Variants in PRELID2 observed in about 807,000 individuals in gnomAD.
PRELID2 encodes PRELI domain-containing protein 2.
A neutral mutation model predicts 28.4 loss-of-function variants in PRELID2; 25 were observed. That is an observed-to-expected ratio of 0.88 (90% CI 0.64 to 1.23). The LOEUF is 1.23. PRELID2 is among the 50% of genes most tolerant of loss of function. The pLI is 0.00. For synonymous variants in PRELID2, 76 were observed against 71.6 expected (o/e 1.06, Z -0.31); for missense variants, 201 against 214.4 (o/e 0.94, Z 0.39).
the PRELID2 span, among the ~76,000 whole-genome samples, chr5:145,317,913 C>T: frequency 1.3e-5 from 2 of 152,056 alleles, no homozygotes; most frequent in Admixed American, 6.6e-5. Flanking sequence ...ATTCTAGACC[C>T]ATAGATCTCA....
chr5:145,342,326 G>T, the PRELID2 span, among the ~76,000 whole-genome samples: 1 of 151,952 alleles, frequency 6.6e-6, no homozygotes, highest in Non-Finnish European at 1.5e-5. Context: ...ATAACACTCT[G>T]GTGAAGCAAT....
downstream of PRELID2, among the ~76,000 whole-genome samples, chr5:145,752,490 T>C (rs915771422): frequency 1.3e-5 from 2 of 152,174 alleles, no homozygotes; most frequent in African/African-American, 4.8e-5. Flanking sequence ...GTCATTAAAC[T>C]TTCTTGCCAT....
intron 1 of PRELID2, among the ~76,000 whole-genome samples, chr5:145,541,608 G>A (rs1442363446): frequency 6.6e-6 from 1 of 152,006 alleles, no homozygotes; most frequent in Non-Finnish European, 1.5e-5. Context: ...CTTTTGCTAA[G>A]TATATCCCAC....
At chr5:145,494,619 A>G (rs1752294157) in intron 1 of PRELID2, among the ~76,000 whole-genome samples, 1 of 152,176 alleles carries the variant, frequency 6.6e-6, no homozygotes, top group Admixed American at 6.6e-5. Flanking sequence ...AAGATCTTGT[A>G]ACAGGTTAAA....
At chr5:145,343,672 G>A in the PRELID2 span, among the ~76,000 whole-genome samples, 43 of 151,332 alleles carry the variant, frequency 2.8e-4, 1 homozygote, top group East Asian at 4.9e-3. Context: ...AAATATAAGA[G>A]CAGAACTAAA....
At chr5:145,781,742 A>G (rs931938439) in intron 5 of PRELID2, among the ~76,000 whole-genome samples, 4 of 145,860 alleles carry the variant, frequency 2.7e-5, no homozygotes, top group Non-Finnish European at 4.5e-5. Flanking sequence ...CTATATATAT[A>G]CTATATCTAT....
At chr5:145,271,417 T>A in the PRELID2 span, among the ~76,000 whole-genome samples, 1 of 152,010 alleles carries the variant, frequency 6.6e-6, no homozygotes, top group South Asian at 2.1e-4. Flanking sequence ...GGTCTCACTA[T>A]GTTGCCTAGG....
chr5:145,240,987 A>T, the PRELID2 span, among the ~76,000 whole-genome samples: 1 of 151,930 alleles, frequency 6.6e-6, no homozygotes, highest in Non-Finnish European at 1.5e-5. Context: ...CAAACAGGTT[A>T]AAGAGCTTCC....
chr5:145,246,177 G>A, the PRELID2 span, among the ~76,000 whole-genome samples: 1 of 152,044 alleles, frequency 6.6e-6, no homozygotes, highest in Non-Finnish European at 1.5e-5. Flanking sequence ...AATGTCACGT[G>A]TCTTTCTAAG....
chr5:145,492,574 T>C (rs1054482226), intron 1 of PRELID2, among the ~76,000 whole-genome samples: 2 of 141,986 alleles, frequency 1.4e-5, no homozygotes, highest in Non-Finnish European at 3.2e-5. Context: ...TTTGAGGTTA[T>C]ATCCAAAAAT....
chr5:145,428,442 C>T, the PRELID2 span, among the ~76,000 whole-genome samples: 1 of 152,072 alleles, frequency 6.6e-6, no homozygotes, highest in Non-Finnish European at 1.5e-5. Context: ...AAAAACTGTT[C>T]CTGCCTGCCT....
chr5:145,488,046 C>T (rs1461971897), intron 1 of PRELID2, among the ~76,000 whole-genome samples: 1 of 149,912 alleles, frequency 6.7e-6, no homozygotes, highest in Non-Finnish European at 1.5e-5. Context: ...ATCGCTTGAA[C>T]CCGGGAGGGA....
chr5:145,695,617 T>C (rs1352217455), intron 1 of PRELID2, among the ~76,000 whole-genome samples: 1 of 152,112 alleles, frequency 6.6e-6, no homozygotes. Context: ...AGCTTGCAGG[T>C]AGGCTGCAAT....
intron 1 of PRELID2, among the ~76,000 whole-genome samples, chr5:145,745,284 C>T (rs934723849): frequency 6.6e-6 from 1 of 152,184 alleles, no homozygotes; most frequent in Non-Finnish European, 1.5e-5. Context: ...CTGGAAAACA[C>T]ACTTCAGGAT....
At chr5:145,236,924 T>A in the PRELID2 span, among the ~76,000 whole-genome samples, 1 of 152,174 alleles carries the variant, frequency 6.6e-6, no homozygotes, top group Admixed American at 6.6e-5. Flanking sequence ...ACCTCCATAA[T>A]TGAGACCTGT....
intron 1 of PRELID2, among the ~76,000 whole-genome samples, chr5:145,736,218 G>T (rs1017188320): frequency 1.6e-4 from 25 of 152,164 alleles, no homozygotes; most frequent in African/African-American, 5.3e-4. Context: ...TATACAGTGG[G>T]ATCACATATT....
chr5:145,378,218 A>AT, the PRELID2 span, among the ~76,000 whole-genome samples: 2 of 151,896 alleles, frequency 1.3e-5, no homozygotes, highest in African/African-American at 2.4e-5. Flanking sequence ...TGCCTTTAAC[A>AT]TTTTTTCTTT....
the PRELID2 span, among the ~76,000 whole-genome samples, chr5:145,392,347 A>T: frequency 6.6e-6 from 1 of 152,174 alleles, no homozygotes; most frequent in South Asian, 2.1e-4. Flanking sequence ...GAAGCCAGTT[A>T]TAAAACCATC....
At chr5:145,284,467 G>A in the PRELID2 span, among the ~76,000 whole-genome samples, 1 of 151,962 alleles carries the variant, frequency 6.6e-6, no homozygotes, top group Non-Finnish European at 1.5e-5. Flanking sequence ...TAAACAATAT[G>A]TATAAGGAGG....
Sources: gnomAD v4.1 joint callset for allele counts (sites outside exome capture counted in the v4.1 genomes callset) on GRCh38, gnomAD v4.1.1 for gene constraint, MANE v1.5 for transcripts, NCBI Gene and HGNC (gene_info 2026-07-23, HGNC 2026-07-21) for gene names.